RPS6KA6: variants seen among roughly 807,000 people sequenced by gnomAD.
RPS6KA6 encodes ribosomal protein S6 kinase alpha-6.
Under a neutral mutation model 65.4 loss-of-function variants are expected in RPS6KA6, and 27 were observed. That is an observed-to-expected ratio of 0.41 (90% confidence interval 0.30 to 0.57). The LOEUF (loss-of-function observed/expected upper bound fraction) is 0.57, where lower values mean the gene tolerates loss of function less well. Among genes scored for constraint, RPS6KA6 ranks in the 20% least tolerant of loss-of-function variants. The pLI is 0.24. For synonymous variants in RPS6KA6, 190 were observed against 184.2 expected (o/e 1.03, Z -0.26); for missense variants, 486 against 555.6 (o/e 0.87, Z 1.26).
At chrX:84,113,198 G>T (rs1339586349) in intron 12 of RPS6KA6, among the ~76,000 whole-genome samples, 1 of 111,130 alleles carries the variant, frequency 9.0e-6, no homozygotes, top group Non-Finnish European at 1.9e-5. Flanking sequence ...AAAAAGCCAG[G>T]ACCACACAGG....
intron 1 of RPS6KA6, among the ~76,000 whole-genome samples, chrX:84,171,883 C>A (rs1467089782): frequency 2.7e-5 from 3 of 110,720 alleles, no homozygotes; most frequent in African/African-American, 9.9e-5. Flanking sequence ...CTCCCTGTGT[C>A]CATGTGTTCT....
intron 20 of RPS6KA6, among the ~76,000 whole-genome samples, chrX:84,090,172 T>C (rs1335575481): frequency 8.9e-6 from 1 of 112,418 alleles, no homozygotes; most frequent in Non-Finnish European, 1.9e-5. Context: ...TGTGTAACAA[T>C]TCATATATCC....
At chrX:84,182,054 CT>C (rs2035861924) in intron 1 of RPS6KA6, among the ~76,000 whole-genome samples, 1 of 93,675 alleles carries the variant, frequency 1.1e-5, no homozygotes, top group Non-Finnish European at 2.2e-5. Context: ...CTCTCTCTCT[CT>C]CTCTCTCTCA....
intron 8 of RPS6KA6, among the ~76,000 whole-genome samples, chrX:84,122,151 G>GA (rs2034682412): frequency 9.0e-6 from 1 of 110,952 alleles, no homozygotes. Flanking sequence ...GAGGGTAGAA[G>GA]AGACAGTCAT....
At chrX:84,172,610 C>T (rs953222868) in intron 1 of RPS6KA6, among the ~76,000 whole-genome samples, 1 of 111,669 alleles carries the variant, frequency 9.0e-6, no homozygotes, top group Non-Finnish European at 1.9e-5. Flanking sequence ...AATCCCACTT[C>T]AGGGTATAGA....
At chrX:84,081,484 C>T (rs1447195203) in intron 20 of RPS6KA6, among the ~76,000 whole-genome samples, 1 of 111,311 alleles carries the variant, frequency 9.0e-6, no homozygotes, top group Non-Finnish European at 1.9e-5. Flanking sequence ...TATAGCCTAC[C>T]AACCAAAAAA....
chrX:84,117,521 GA>G, intron 9 of RPS6KA6, 67 bp from the exon 10 acceptor site: 1 of 648,599 alleles, frequency 1.5e-6, no homozygotes. Context: ...AGATTCTCTA[GA>G]AAAAAACTGA....
rs746518015 is a variant in RPS6KA6 at position 84,170,165 on chromosome X, T to TAA, written c.82-5780_82-5779dup. On this transcript the variant is annotated intron_variant, in intron 1 of 21. Transcript: ENST00000262752. The stretch of plus-strand genomic sequence containing the variant: ...TTGGATGGCAGAGTAAGACTCCTTC[T>TAA]AAAAAAAAAAAAAAAAAAAAAGAAA... 2.1e-3 allele frequency among the ~76,000 whole-genome samples: 116 copies of TAA among 55,275 alleles called. 1 individual carries two copies. The highest frequency in any genetic ancestry group is 4.3e-3 in the East Asian group (8 of 1,880). 48.0% of individuals were successfully genotyped at this position (55,275 alleles called of 115,157 possible).
chrX:84,171,896 T>C (rs1444405875), intron 1 of RPS6KA6, among the ~76,000 whole-genome samples: 2 of 111,124 alleles, frequency 1.8e-5, no homozygotes, highest in Admixed American at 9.6e-5. Flanking sequence ...TGTGTTCTCA[T>C]TGTTCAAATC....
At chrX:84,171,621 G>A (rs1052216172) in intron 1 of RPS6KA6, among the ~76,000 whole-genome samples, 6 of 111,313 alleles carry the variant, frequency 5.4e-5, no homozygotes, top group South Asian at 3.7e-4. Context: ...CCTGCTTTCC[G>A]AAAAATCAAT....
chrX:84,108,823 A>G (rs1363021755), intron 12 of RPS6KA6, among the ~76,000 whole-genome samples: 1 of 111,781 alleles, frequency 8.9e-6, no homozygotes, highest in Non-Finnish European at 1.9e-5. Flanking sequence ...CACACCTCAA[A>G]GACAGATACT....
intron 3 of RPS6KA6, among the ~76,000 whole-genome samples, chrX:84,155,279 A>ATT (rs770866865): frequency 9.0e-6 from 1 of 111,354 alleles, no homozygotes; most frequent in South Asian, 3.7e-4. Flanking sequence ...CAATTGCCTT[A>ATT]TTTTTCCCCT....
intron 1 of RPS6KA6, among the ~76,000 whole-genome samples, chrX:84,181,327 A>G (rs2035850977): frequency 9.0e-6 from 1 of 111,704 alleles, no homozygotes; most frequent in South Asian, 3.7e-4. Flanking sequence ...ATATGGCTGA[A>G]CTATATCAAA....
At chrX:84,092,833 T>C (rs1389067803) in intron 20 of RPS6KA6, among the ~76,000 whole-genome samples, 2 of 111,830 alleles carry the variant, frequency 1.8e-5, no homozygotes, top group Non-Finnish European at 3.8e-5. Flanking sequence ...CTGCTGGATA[T>C]ATATCCAAAG....
intron 12 of RPS6KA6, among the ~76,000 whole-genome samples, chrX:84,110,675 C>A (rs1337381963): frequency 1.8e-5 from 2 of 111,426 alleles, no homozygotes; most frequent in Non-Finnish European, 3.8e-5. Flanking sequence ...TCACACCCCC[C>A]AAGAGGGGCG....
intron 11 of RPS6KA6, among the ~76,000 whole-genome samples, chrX:84,116,735 T>C (rs887125841): frequency 5.8e-5 from 6 of 104,095 alleles, no homozygotes; most frequent in Non-Finnish European, 1.2e-4. Context: ...AATATTTACT[T>C]TGAAGAATAT....
At chrX:84,147,239 C>T (rs902068096) in intron 4 of RPS6KA6, among the ~76,000 whole-genome samples, 181 bp from the exon 5 acceptor site, 5 of 111,982 alleles carry the variant, frequency 4.5e-5, no homozygotes, top group Admixed American at 1.9e-4. Flanking sequence ...ATATTCATTA[C>T]ATCTAGAGAC....
At chrX:84,171,620 C>T (rs374728088) in intron 1 of RPS6KA6, among the ~76,000 whole-genome samples, 8 of 111,165 alleles carry the variant, frequency 7.2e-5, no homozygotes, top group African/African-American at 2.0e-4. Context: ...TCCTGCTTTC[C>T]GAAAAATCAA....
At chrX:84,070,672 A>G (rs2033523722) in intron 20 of RPS6KA6, among the ~76,000 whole-genome samples, 1 of 111,775 alleles carries the variant, frequency 8.9e-6, no homozygotes, top group Non-Finnish European at 1.9e-5. Context: ...CAGATTCTGA[A>G]GAATAACGTA....
Sources: gnomAD v4.1 joint callset for allele counts (sites outside exome capture counted in the v4.1 genomes callset) on GRCh38, gnomAD v4.1.1 for gene constraint, MANE v1.5 for transcripts, NCBI Gene and HGNC (gene_info 2026-07-23, HGNC 2026-07-21) for gene names.